KLF12: variants seen among roughly 807,000 people sequenced by gnomAD.
KLF12 encodes the protein Krueppel-like factor 12.
KLF12 carries 9 observed loss-of-function variants against 37.8 expected under a neutral mutation model. That is an observed-to-expected ratio of 0.24 (90% CI 0.14 to 0.42). The LOEUF is 0.42. KLF12 is among the 10% of genes least tolerant of loss of function. The pLI is 1.00. For missense variants in KLF12, 411 were observed against 516.0 expected, an observed-to-expected ratio of 0.80 and a Z score of 1.97; for synonymous variants, 208 against 202.1, an observed-to-expected ratio of 1.03 and a Z score of -0.25.
At chr13:74,215,472 C>G in the KLF12 span, among the ~76,000 whole-genome samples, 1 of 132,962 alleles carries the variant, frequency 7.5e-6, no homozygotes, top group South Asian at 2.3e-4. Context: ...GAAAGCTGAG[C>G]CAAGTAGTTT....
chr13:74,048,103 A>C (rs1197051297), intron 1 of KLF12, among the ~76,000 whole-genome samples: 1 of 152,210 alleles, frequency 6.6e-6, no homozygotes, highest in African/African-American at 2.4e-5. Flanking sequence ...ATTCCAGGCA[A>C]CAGAACTGAA....
At chr13:73,847,526 C>G (rs768532395) in intron 3 of KLF12, among the ~76,000 whole-genome samples, 40 of 152,178 alleles carry the variant, frequency 2.6e-4, no homozygotes, top group Non-Finnish European at 4.9e-4. Context: ...CAGCTCCATT[C>G]AAAACATACA....
chr13:74,165,038 T>A, the KLF12 span, among the ~76,000 whole-genome samples: 3 of 151,984 alleles, frequency 2.0e-5, no homozygotes, highest in Admixed American at 2.0e-4. Flanking sequence ...CATTTGAAAA[T>A]AACTGAGGAT....
chr13:74,124,448 C>T (rs1877821668), intron 1 of KLF12, among the ~76,000 whole-genome samples: 1 of 152,138 alleles, frequency 6.6e-6, no homozygotes, highest in African/African-American at 2.4e-5. Context: ...TTAATACAAA[C>T]TAAATATTCC....
intron 1 of KLF12, among the ~76,000 whole-genome samples, chr13:74,003,978 G>C (rs1892348491): frequency 6.6e-6 from 1 of 152,130 alleles, no homozygotes; most frequent in African/African-American, 2.4e-5. Context: ...ACGTTCACAA[G>C]TGAAATGACA....
At chr13:73,740,682 A>G (rs1877907566) in intron 6 of KLF12, among the ~76,000 whole-genome samples, 1 of 152,138 alleles carries the variant, frequency 6.6e-6, no homozygotes, top group African/African-American at 2.4e-5. Flanking sequence ...TATTTTTTCA[A>G]AGCAACTATT....
At chr13:74,067,237 T>G (rs906343914) in intron 1 of KLF12, among the ~76,000 whole-genome samples, 2 of 152,218 alleles carry the variant, frequency 1.3e-5, no homozygotes, top group African/African-American at 2.4e-5. Flanking sequence ...CTGCAAAGCA[T>G]GTACATCAGA....
intron 3 of KLF12, among the ~76,000 whole-genome samples, chr13:73,890,076 C>A (rs947447161): frequency 2.6e-5 from 4 of 152,042 alleles, no homozygotes; most frequent in Non-Finnish European, 5.9e-5. Flanking sequence ...CACACAAGAA[C>A]ACCGTCTTTA....
intron 3 of KLF12, among the ~76,000 whole-genome samples, chr13:73,922,944 T>C (rs1285140760): frequency 6.6e-6 from 1 of 152,182 alleles, no homozygotes; most frequent in African/African-American, 2.4e-5. Flanking sequence ...ACAGCAGCCC[T>C]GCCATCAGAC....
At chr13:74,289,084 A>T in the KLF12 span, 3 of 152,158 alleles carry the variant, frequency 2.0e-5, no homozygotes, top group African/African-American at 7.2e-5. Context: ...ATTTTTATAT[A>T]TTTTTTCTAT....
chr13:74,207,417 T>G, the KLF12 span, among the ~76,000 whole-genome samples: 1 of 152,200 alleles, frequency 6.6e-6, no homozygotes, highest in Admixed American at 6.5e-5. Flanking sequence ...GGCTCATGCC[T>G]GTAATCCCAG....
intron 4 of KLF12, among the ~76,000 whole-genome samples, chr13:73,832,741 G>A (rs1422648717): frequency 1.3e-5 from 2 of 152,030 alleles, no homozygotes; most frequent in Non-Finnish European, 2.9e-5. Flanking sequence ...TTAACTCTGT[G>A]GTACAAATAA....
chr13:73,848,440 T>C (rs1885143207), intron 3 of KLF12, among the ~76,000 whole-genome samples: 1 of 151,862 alleles, frequency 6.6e-6, no homozygotes. Flanking sequence ...CTCTTGTGGG[T>C]ATCTTCTTAA....
At chr13:74,260,335 C>T in the KLF12 span, among the ~76,000 whole-genome samples, 2 of 151,904 alleles carry the variant, frequency 1.3e-5, no homozygotes, top group Non-Finnish European at 2.9e-5. Flanking sequence ...GCAGAAGAAT[C>T]GTTTGAGGCC....
chr13:73,732,514 A>T (rs891120745), intron 6 of KLF12, among the ~76,000 whole-genome samples: 5 of 152,150 alleles, frequency 3.3e-5, no homozygotes, highest in South Asian at 4.1e-4. Flanking sequence ...CAAGCACCTG[A>T]AACAGTGGCT....
At chr13:73,808,245 G>T (rs1271623607) in intron 5 of KLF12, among the ~76,000 whole-genome samples, 4 of 152,072 alleles carry the variant, frequency 2.6e-5, no homozygotes, top group African/African-American at 9.7e-5. Flanking sequence ...AATTGTCTTT[G>T]TCAGAATCAC....
chr13:74,126,379 G>GA (rs1877942992), intron 1 of KLF12, among the ~76,000 whole-genome samples: 1 of 152,096 alleles, frequency 6.6e-6, no homozygotes, highest in Admixed American at 6.6e-5. Context: ...CAGACAAAAG[G>GA]AAAATCACAA....
intron 1 of KLF12, among the ~76,000 whole-genome samples, chr13:74,024,826 G>T (rs866282929): frequency 3.9e-5 from 6 of 152,090 alleles, no homozygotes; most frequent in South Asian, 2.1e-4. Flanking sequence ...TAATCTAACA[G>T]ATTTTCACTT....
At chr13:74,087,337 AAT>A (rs1491127620) in intron 1 of KLF12, among the ~76,000 whole-genome samples, 2 of 151,220 alleles carry the variant, frequency 1.3e-5, no homozygotes, top group African/African-American at 4.9e-5. Context: ...GTTTAAAAAA[AAT>A]TTTTTTTTTT....
Sources: gnomAD v4.1 joint callset for allele counts (sites outside exome capture counted in the v4.1 genomes callset) on GRCh38, gnomAD v4.1.1 for gene constraint, MANE v1.5 for transcripts, NCBI Gene and HGNC (gene_info 2026-07-23, HGNC 2026-07-21) for gene names.